Variants in MTAP observed in about 807,000 individuals in gnomAD.
The protein encoded by MTAP is methylthioadenosine phosphorylase.
Under a neutral mutation model 33.6 loss-of-function variants are expected in MTAP, and 33 were observed. That is an observed-to-expected ratio of 0.98 (90% CI 0.74 to 1.31). The LOEUF is 1.31. Ranked by LOEUF, MTAP falls within the 40% of genes most tolerant of loss-of-function variation. The probability of loss-of-function intolerance (pLI) is 0.00; values close to 1 mark genes in which losing one functional copy is unlikely to be tolerated. For missense variants in MTAP, 367 were observed against 360.0 expected (o/e 1.02, Z -0.16); for synonymous variants, 148 against 125.7 (o/e 1.18, Z -1.19).
intron 5 of MTAP, among the ~76,000 whole-genome samples, chr9:21,845,520 T>C (rs961368268): frequency 6.6e-6 from 1 of 152,042 alleles, no homozygotes; most frequent in East Asian, 1.9e-4. Flanking sequence ...AAATTATAGA[T>C]AATACAAAAA....
chr9:21,900,175 C>T (rs144851931), intron 1 of MTAP, among the ~76,000 whole-genome samples: 2 of 152,114 alleles, frequency 1.3e-5, no homozygotes, highest in South Asian at 4.1e-4. Flanking sequence ...CAAAAATTGA[C>T]AAGTGGGACC....
In MTAP at chr9:21,908,492, C is replaced by T. The variant is rs902017588; in HGVS notation, c.148-22516C>T. ...ATGCCCAGAAGTGAAATTGCTGGGTCATATGGTAGTTGCATGTTTAGTTTC... is the reference window on the plus strand; with the variant it reads ...ATGCCCAGAAGTGAAATTGCTGGGTTATATGGTAGTTGCATGTTTAGTTTC... On this transcript the variant is annotated intron_variant, in intron 1 of 1. Coordinates refer to the MTAP transcript ENST00000577563. Among the ~76,000 whole-genome samples, 2 of 152,216 alleles carry T rather than the reference C, an allele frequency of 1.3e-5. 1 individual carries two copies. The highest frequency in any genetic ancestry group is 3.9e-4 in the East Asian group (2 of 5,190).
chr9:21,916,080 A>AAAGGGAGGAAGGAAGG (rs1818683900), intron 1 of MTAP, among the ~76,000 whole-genome samples: 8 of 116,980 alleles, frequency 6.8e-5, no homozygotes, highest in Admixed American at 3.6e-4. Context: ...GGGAGGAAGG[A>AAAGGGAGGAAGGAAGG]AAGGAAGGAA....
At chr9:21,869,620 T>C (rs1209299181), downstream of MTAP, among the ~76,000 whole-genome samples, 1 of 152,178 alleles carries the variant, frequency 6.6e-6, no homozygotes, top group Non-Finnish European at 1.5e-5. Context: ...AGCAGTTCCA[T>C]CCTTCTAGTT....
At chr9:21,819,593 A>G (rs962711167) in intron 4 of MTAP, among the ~76,000 whole-genome samples, 5 of 152,232 alleles carry the variant, frequency 3.3e-5, no homozygotes, top group African/African-American at 7.2e-5. Flanking sequence ...TAGTGCCGCA[A>G]TAAACATACG....
chr9:21,937,171 T>C (rs1260782865), exon 8 of MTAP: 1 of 152,140 alleles, frequency 6.6e-6, no homozygotes, highest in African/African-American at 2.4e-5. Flanking sequence ...AAACTCCATC[T>C]CTACTAAAAA....
At chr9:21,899,239 G>T (rs1430961135) in intron 1 of MTAP, among the ~76,000 whole-genome samples, 4 of 123,696 alleles carry the variant, frequency 3.2e-5, no homozygotes, top group South Asian at 7.0e-4. Context: ...GTTGTGGGGT[G>T]GGGGGAGGGG....
At chr9:21,850,087 A>G (rs547864778) in intron 5 of MTAP, among the ~76,000 whole-genome samples, 68 of 152,332 alleles carry the variant, frequency 4.5e-4, no homozygotes, top group African/African-American at 1.6e-3. Flanking sequence ...AGATATCACA[A>G]TGGTCCATTA....
intron 4 of MTAP, among the ~76,000 whole-genome samples, chr9:21,834,864 T>C (rs761279373): frequency 6.6e-6 from 1 of 152,224 alleles, no homozygotes; most frequent in African/African-American, 2.4e-5. Context: ...AAATCTAAAA[T>C]GGAGATGTTA....
rs77838805 is a variant in MTAP at position 21,864,351 on chromosome 9, T to A, written c.*2337T>A. 3.0e-6 allele frequency: 1 copy of A among 331,820 alleles called. No individual in the cohort carries two copies. The highest frequency in any genetic ancestry group is 1.3e-4 in the South Asian group (1 of 7,664). 20.6% of individuals were successfully genotyped at this position (331,820 alleles called of 1,614,324 possible). Reference sequence around the variant, plus strand: ...CTTCTCACTTGTGATGCTGTACTAATTTTTTTTTTTTAATTTAAGCTAGTA... The same window carrying A: ...CTTCTCACTTGTGATGCTGTACTAAATTTTTTTTTTTAATTTAAGCTAGTA... On this transcript the variant is annotated 3_prime_UTR_variant, in exon 8 of 8. Transcript: ENST00000644715.
chr9:21,825,663 C>A (rs934173999), intron 4 of MTAP, among the ~76,000 whole-genome samples: 1 of 152,120 alleles, frequency 6.6e-6, no homozygotes, highest in South Asian at 2.1e-4. Flanking sequence ...CATAGTGAGA[C>A]CTTGTCTCTG....
At chr9:21,886,511 C>T (rs1371996451) in intron 1 of MTAP, among the ~76,000 whole-genome samples, 1 of 152,140 alleles carries the variant, frequency 6.6e-6, no homozygotes, top group Non-Finnish European at 1.5e-5. Flanking sequence ...GGTTCTTCGT[C>T]ATGAACTTTT....
chr9:21,829,140 G>T (rs1183002851), intron 4 of MTAP, among the ~76,000 whole-genome samples: 1 of 152,156 alleles, frequency 6.6e-6, no homozygotes, highest in Non-Finnish European at 1.5e-5. Flanking sequence ...ACCTCCACTT[G>T]CTGATGGCAT....
chr9:21,859,160 T>A lies in MTAP; in HGVS notation c.691-143T>A, dbSNP rs148544348. On this transcript the variant is annotated intron_variant, in intron 6 of 7. Transcript: ENST00000644715. ...CCAAATGCCCAACCTCCAAATACCC[T>A]ACATTGAGGATTCGGTTTCAGCAGA... 14 of 1,227,854 alleles carry A rather than the reference T, an allele frequency of 1.1e-5. No individual in the cohort carries two copies. The East Asian group carries it at 3.4e-4, about 30-fold the overall frequency. The allele number at this position is 1,227,854 out of a possible 1,614,324, so 76.1% of individuals were successfully genotyped here.
At chr9:21,834,302 G>T (rs186423530) in intron 4 of MTAP, among the ~76,000 whole-genome samples, 3 of 152,224 alleles carry the variant, frequency 2.0e-5, no homozygotes, top group Admixed American at 6.5e-5. Context: ...CACACAGCTA[G>T]TGAGTGGTAA....
chr9:21,826,631 TTATTATTA>T (rs1563836305), intron 4 of MTAP, among the ~76,000 whole-genome samples: 2 of 148,742 alleles, frequency 1.3e-5, no homozygotes, highest in African/African-American at 4.9e-5. Context: ...ATTATTATTA[TTATTATTA>T]TTATTATTAT....
Position 21,826,531 on chromosome 9 carries a change from A to G in MTAP, c.347+8329A>G, listed in dbSNP as rs118026108. On this transcript the variant is annotated intron_variant, in intron 4 of 7. Transcript: ENST00000644715. ...TCTTGGCAAGGATCCTTCCTTCTGC[A>G]TCCTGTCGGAAGGCATGTGATGTCC... 2.4e-3 allele frequency among the ~76,000 whole-genome samples: 360 copies of G among 151,800 alleles called. 1 individual carries two copies. The highest frequency in any genetic ancestry group is 4.1e-3 in the Non-Finnish European group (278 of 67,950).
chr9:21,894,262 T>A (rs962566912), intron 1 of MTAP, among the ~76,000 whole-genome samples: 9 of 134,930 alleles, frequency 6.7e-5, no homozygotes, highest in Non-Finnish European at 8.0e-5. Context: ...TTCAAAATAA[T>A]AAGAGCCATC....
chr9:21,882,528 A>C (rs1818031765), intron 1 of MTAP, among the ~76,000 whole-genome samples: 1 of 152,052 alleles, frequency 6.6e-6, no homozygotes, highest in Admixed American at 6.6e-5. Flanking sequence ...ATTTACAAAA[A>C]CTACAGTCAG....
Sources: gnomAD v4.1 joint callset for allele counts (sites outside exome capture counted in the v4.1 genomes callset) on GRCh38, gnomAD v4.1.1 for gene constraint, MANE v1.5 for transcripts, NCBI Gene and HGNC (gene_info 2026-07-23, HGNC 2026-07-21) for gene names.